The following DNAJC11 variants were observed in gnomAD, a reference collection of about 807,000 sequenced individuals.
The protein encoded by DNAJC11 is DnaJ heat shock protein family (Hsp40) member C11.
In DNAJC11, 15 loss-of-function variants were observed where a neutral mutation model predicts 78.6. The observed-to-expected ratio is 0.19, with a 90% CI of 0.13 to 0.29. The LOEUF is 0.29. DNAJC11 is among the 10% of genes least tolerant of loss of function. The pLI is 1.00. For synonymous variants in DNAJC11, 292 were observed against 272.1 expected, an observed-to-expected ratio of 1.07 and a Z score of -0.72; for missense variants, 547 against 709.6, an observed-to-expected ratio of 0.77 and a Z score of 2.60.
At chr1:6,643,998 G>A (rs1400445459) in intron 10 of DNAJC11, among the ~76,000 whole-genome samples, 2 of 151,526 alleles carry the variant, frequency 1.3e-5, no homozygotes, top group African/African-American at 2.4e-5. Context: ...AGCCTCCCGA[G>A]TACCTGGGAC....
chr1:6,686,372 C>G (rs1048336118), intron 1 of DNAJC11, among the ~76,000 whole-genome samples: 1 of 152,202 alleles, frequency 6.6e-6, no homozygotes, highest in African/African-American at 2.4e-5. Context: ...TTGATAACTG[C>G]TGGGCTAGAT....
intron 10 of DNAJC11, among the ~76,000 whole-genome samples, chr1:6,643,298 T>C (rs1641908861): frequency 7.1e-6 from 1 of 140,304 alleles, no homozygotes; most frequent in Non-Finnish European, 1.5e-5. Flanking sequence ...TTTTTTTGAG[T>C]GGAGTCTCGC....
intron 6 of DNAJC11, 42 bp from the exon 7 acceptor site, chr1:6,651,644 T>C: frequency 6.5e-7 from 1 of 1,540,528 alleles, no homozygotes; most frequent in Middle Eastern, 1.7e-4. Context: ...TGGTGTTTTA[T>C]CTCATAGCAG....
intron 3 of DNAJC11, among the ~76,000 whole-genome samples, chr1:6,673,734 C>T (rs1024018400): frequency 3.9e-5 from 6 of 152,152 alleles, no homozygotes; most frequent in African/African-American, 1.4e-4. Context: ...TTCCAGGATC[C>T]AATCCAAGAT....
chr1:6,669,249 C>T (rs1479820837), intron 3 of DNAJC11, among the ~76,000 whole-genome samples: 2 of 151,768 alleles, frequency 1.3e-5, no homozygotes, highest in African/African-American at 4.8e-5. Flanking sequence ...GTGACTCACA[C>T]CTGTAATCCC....
At chr1:6,697,271 C>CG (rs1011234768) in intron 1 of DNAJC11, among the ~76,000 whole-genome samples, 16 of 152,158 alleles carry the variant, frequency 1.1e-4, no homozygotes, top group Non-Finnish European at 2.2e-4. Context: ...CATAGGAGAA[C>CG]GGGGGGTCCT....
chr1:6,687,811 T>C (rs957452768), intron 1 of DNAJC11, among the ~76,000 whole-genome samples: 8 of 152,274 alleles, frequency 5.3e-5, no homozygotes, highest in South Asian at 2.1e-4. Context: ...AATGATGTAT[T>C]TGGAATCATA....
chr1:6,696,819 A>G (rs1334590202), intron 1 of DNAJC11, among the ~76,000 whole-genome samples: 1 of 152,258 alleles, frequency 6.6e-6, no homozygotes, highest in Admixed American at 6.5e-5. Flanking sequence ...TTAAAAGTTG[A>G]AAAGGAGGAT....
Position 6,634,757 on chromosome 1 carries a change from C to T in DNAJC11, c.*918G>A, listed in dbSNP as rs757101172. The T allele has an allele frequency of 2.2e-6, 3 of 1,340,322 alleles. No homozygotes were observed. The East Asian group carries it at 1.4e-4, about 65-fold the overall frequency. 83.0% of individuals were successfully genotyped at this position (1,340,322 alleles called of 1,614,324 possible). A position where few individuals can be genotyped will look rare whatever the true frequency, so the allele number is the denominator to read the frequency against. On this transcript the variant is annotated 3_prime_UTR_variant, in exon 16 of 16. Transcript: ENST00000377577. ...TGGTGTTCCTGTGAGGACGCTGGAC[C>T]TGCAGGAGCGGGGAGCTGCAGTGCC...
At chr1:6,675,140 AG>A (rs1217596469) in intron 3 of DNAJC11, among the ~76,000 whole-genome samples, 11 of 152,178 alleles carry the variant, frequency 7.2e-5, no homozygotes, top group Non-Finnish European at 1.3e-4. Flanking sequence ...GAGTTCAATG[AG>A]ACTTTCTGTG....
At chr1:6,643,489 A>T (rs942317159) in intron 10 of DNAJC11, among the ~76,000 whole-genome samples, 1 of 151,966 alleles carries the variant, frequency 6.6e-6, no homozygotes, top group East Asian at 2.0e-4. Context: ...GTTAGCCAGG[A>T]TGGTCTCAAT....
chr1:6,649,665 C>T (rs1001962890), intron 7 of DNAJC11, among the ~76,000 whole-genome samples: 7 of 152,032 alleles, frequency 4.6e-5, no homozygotes, highest in Admixed American at 3.9e-4. Flanking sequence ...CCCTGCAGAG[C>T]GTGGCAGGCA....
intron 4 of DNAJC11, among the ~76,000 whole-genome samples, chr1:6,656,608 G>A (rs1302627234): frequency 1.3e-5 from 2 of 151,876 alleles, no homozygotes; most frequent in African/African-American, 4.8e-5. Context: ...GCTGAGTGCT[G>A]TGGCTCACTC....
intron 4 of DNAJC11, among the ~76,000 whole-genome samples, chr1:6,661,411 G>C (rs767668781): frequency 6.6e-6 from 1 of 152,142 alleles, no homozygotes; most frequent in African/African-American, 2.4e-5. Flanking sequence ...GTTTGTGAGC[G>C]ATTATGCTGA....
chr1:6,682,499 C>T (rs1379272893), intron 1 of DNAJC11, among the ~76,000 whole-genome samples: 1 of 152,180 alleles, frequency 6.6e-6, no homozygotes, highest in African/African-American at 2.4e-5. Context: ...GGTGCTGGGG[C>T]CCGGGTTCTG....
chr1:6,646,654 G>A (rs1041072736), intron 7 of DNAJC11, among the ~76,000 whole-genome samples: 2 of 152,140 alleles, frequency 1.3e-5, no homozygotes, highest in Non-Finnish European at 2.9e-5. Context: ...ACCGGTTCCC[G>A]AAAAGAGCCT....
intron 3 of DNAJC11, among the ~76,000 whole-genome samples, chr1:6,669,408 G>A (rs549764508): frequency 6.0e-4 from 92 of 152,094 alleles, no homozygotes; most frequent in Admixed American, 2.2e-3. Context: ...CTACTTGGGA[G>A]GTTGAGGCAG....
At chr1:6,663,492 A>G (rs1310276223) in intron 4 of DNAJC11, among the ~76,000 whole-genome samples, 1 of 152,224 alleles carries the variant, frequency 6.6e-6, no homozygotes, top group African/African-American at 2.4e-5. Context: ...ATCAATACGA[A>G]GTGAATACAA....
Position 6,640,070 on chromosome 1 carries a change from A to C in DNAJC11, c.1098-13T>G, listed in dbSNP as rs141795237. On this transcript the variant is annotated splice_polypyrimidine_tract_variant and intron_variant, in intron 10 of 15. Coordinates refer to ENST00000377577, the MANE Select transcript of DNAJC11 (RefSeq NM_018198.4). ...GGCCCTGTTGAGCCTGGGGAAAAAT[A>C]CAAAAAAAAAAAAAAAAAAGCCAAG... 6.8e-7 allele frequency: 1 copy of C among 1,460,210 alleles called. No homozygotes were observed. Among genetic ancestry groups the C allele is most frequent in the East Asian group, 2.5e-5 (1 of 39,436 alleles). The allele number at this position is 1,460,210 out of a possible 1,614,324, so 90.5% of individuals were successfully genotyped here.
Sources: allele counts gnomAD v4.1 joint callset (sites outside exome capture counted in the v4.1 genomes callset), GRCh38; gene constraint gnomAD v4.1.1; transcripts MANE v1.5; gene names NCBI Gene and HGNC (gene_info 2026-07-23, HGNC 2026-07-21).